The following CYP7B1 variants were observed in gnomAD, a reference collection of about 807,000 sequenced individuals.
The protein encoded by CYP7B1 is cytochrome P450 7B1.
A neutral mutation model predicts 42.7 loss-of-function variants in CYP7B1; 29 were observed. That is an observed-to-expected ratio of 0.68 (90% CI 0.51 to 0.93). The LOEUF is 0.93. Among genes scored for constraint, CYP7B1 ranks in the 40% least tolerant of loss-of-function variants. The probability of loss-of-function intolerance (pLI) is 0.00; values close to 1 mark genes in which losing one functional copy is unlikely to be tolerated. For synonymous variants in CYP7B1, 235 were observed against 218.2 expected (o/e 1.08, Z -0.68); for missense variants, 655 against 600.5 (o/e 1.09, Z -0.95).
rs1379311006 is a variant in CYP7B1, at chr8:64,615,975, A to G, written c.566T>C (p.Phe189Ser). 6.2e-7 allele frequency: 1 copy of G among 1,613,722 alleles called. No homozygotes were observed. Among genetic ancestry groups the G allele is most frequent in the East Asian group, 2.2e-5 (1 of 44,860 alleles). Reference sequence around the variant, plus strand: ...ATATATAGTTGTAAATGTGATCTCAAATATTATTGAGCTGCAGAATGGATA... The same window carrying G: ...ATATATAGTTGTAAATGTGATCTCAGATATTATTGAGCTGCAGAATGGATA... Reference protein sequence around the residue: ...ELYPFCSSIIFEITFTTIYGK... With the variant: ...ELYPFCSSIISEITFTTIYGK... Residue 189 changes from phenylalanine to serine, a missense_variant, in exon 3 of 6, where the codon TTT becomes TCT. Coordinates refer to ENST00000310193, the MANE Select transcript of CYP7B1 (RefSeq NM_004820.5).
intron 1 of CYP7B1, among the ~76,000 whole-genome samples, chr8:64,686,653 C>T (rs1276844249): frequency 1.7e-5 from 1 of 59,602 alleles, no homozygotes; most frequent in Non-Finnish European, 3.5e-5. Flanking sequence ...TGAGAACGGG[C>T]CAGGATGACA....
At chr8:64,760,949 T>C (rs1807880698) in intron 1 of CYP7B1, among the ~76,000 whole-genome samples, 2 of 152,270 alleles carry the variant, frequency 1.3e-5, no homozygotes, top group Admixed American at 6.5e-5. Flanking sequence ...GGAAATAACC[T>C]AAGTGTCTGT....
At chr8:64,700,268 C>T (rs1332778050) in intron 1 of CYP7B1, among the ~76,000 whole-genome samples, 1 of 152,100 alleles carries the variant, frequency 6.6e-6, no homozygotes, top group Non-Finnish European at 1.5e-5. Flanking sequence ...GCAATTTTGA[C>T]ATCAGTCCTT....
chr8:64,798,680 G>A lies in CYP7B1; in HGVS notation c.-93C>T. ...CAGCCTGCGGCGGCTTCTCTCGGCGGCGCCCCCTAGTCCAGGGCCGGAGAG... is the reference window on the plus strand; with the variant it reads ...CAGCCTGCGGCGGCTTCTCTCGGCGACGCCCCCTAGTCCAGGGCCGGAGAG... On this transcript the variant is annotated 5_prime_UTR_variant, in exon 1 of 6. Transcript: ENST00000310193. The A allele has an allele frequency of 7.4e-7, 1 of 1,356,000 alleles. No individual in the cohort carries two copies. Among genetic ancestry groups the A allele is most frequent in the Non-Finnish European group, 9.6e-7 (1 of 1,045,320 alleles). The allele number at this position is 1,356,000 out of a possible 1,614,324, so 84.0% of individuals were successfully genotyped here.
chr8:64,707,672 T>C (rs938416996), intron 1 of CYP7B1, among the ~76,000 whole-genome samples: 15 of 152,034 alleles, frequency 9.9e-5, no homozygotes, highest in Non-Finnish European at 2.1e-4. Flanking sequence ...CATCCAAACA[T>C]TTACATTTTA....
At chr8:64,622,689 A>G (rs1393324010) in intron 2 of CYP7B1, among the ~76,000 whole-genome samples, 1 of 152,222 alleles carries the variant, frequency 6.6e-6, no homozygotes, top group East Asian at 1.9e-4. Flanking sequence ...GTAAGAGCCC[A>G]AGAAAGAAAA....
At chr8:64,628,342 A>G (rs961792395) in intron 1 of CYP7B1, among the ~76,000 whole-genome samples, 3 of 152,132 alleles carry the variant, frequency 2.0e-5, no homozygotes, top group African/African-American at 7.2e-5. Flanking sequence ...CTACAGTCCA[A>G]AGTTATCTGG....
chr8:64,751,969 T>C (rs1807733038), intron 1 of CYP7B1, among the ~76,000 whole-genome samples: 2 of 152,218 alleles, frequency 1.3e-5, no homozygotes, highest in East Asian at 3.8e-4. Context: ...TCTTATGTCA[T>C]ACACCAGCCA....
chr8:64,657,065 A>G (rs952867042), intron 1 of CYP7B1, among the ~76,000 whole-genome samples: 1 of 152,190 alleles, frequency 6.6e-6, no homozygotes, highest in Non-Finnish European at 1.5e-5. Context: ...TATTAAAAAA[A>G]AAAGCAGTGT....
chr8:64,794,836 G>A (rs1327503182), intron 1 of CYP7B1, among the ~76,000 whole-genome samples: 2 of 152,062 alleles, frequency 1.3e-5, no homozygotes, highest in Non-Finnish European at 2.9e-5. Context: ...CATGAGTTCA[G>A]AATAATTAGC....
intron 1 of CYP7B1, among the ~76,000 whole-genome samples, chr8:64,650,631 G>A (rs1176525820): frequency 6.6e-6 from 1 of 152,164 alleles, no homozygotes; most frequent in Non-Finnish European, 1.5e-5. Flanking sequence ...CTGGGTGATA[G>A]AGCAAGACTC....
chr8:64,645,867 A>T (rs1437633163), intron 1 of CYP7B1, among the ~76,000 whole-genome samples: 9 of 152,220 alleles, frequency 5.9e-5, no homozygotes, highest in Non-Finnish European at 1.0e-4. Context: ...TCAATGGAAC[A>T]GAACAGAGCC....
chr8:64,621,746 T>G (rs1326464762), intron 2 of CYP7B1, among the ~76,000 whole-genome samples: 1 of 151,056 alleles, frequency 6.6e-6, no homozygotes, highest in African/African-American at 2.4e-5. Flanking sequence ...TTTTTTTTTT[T>G]TTTTTTTTTA....
At chr8:64,686,502 T>G (rs1585855923) in intron 1 of CYP7B1, among the ~76,000 whole-genome samples, 4 of 33,474 alleles carry the variant, frequency 1.2e-4, no homozygotes, top group Admixed American at 2.6e-4. Context: ...GGGAGGGAGG[T>G]GGGGGGGGTC....
Position 64,685,759 on chromosome 8 carries a change from A to G in CYP7B1, c.123-61220T>C, listed in dbSNP as rs139246563. 5.3e-3 allele frequency among the ~76,000 whole-genome samples: 222 copies of G among 41,812 alleles called. 1 individual carries two copies. The highest frequency in any genetic ancestry group is 8.9e-3 in the African/African-American group (115 of 12,976). The allele number at this position is 41,812 out of a possible 152,430, so 27.4% of individuals were successfully genotyped here. A position where few individuals can be genotyped will look rare whatever the true frequency, so the allele number is the denominator to read the frequency against. ...AGCGTCTCCGCCCGGCAGCCACCCC[A>G]TCCGGGAGGGAGGTGGGGGGGGGTC... On this transcript the variant is annotated intron_variant, in intron 1 of 5. Coordinates refer to ENST00000310193, the MANE Select transcript of CYP7B1 (RefSeq NM_004820.5).
intron 1 of CYP7B1, among the ~76,000 whole-genome samples, chr8:64,702,174 G>A (rs1206628921): frequency 1.3e-5 from 2 of 151,948 alleles, no homozygotes; most frequent in East Asian, 1.9e-4. Flanking sequence ...AATGGACTTA[G>A]CCCATTATAG....
At chr8:64,603,479 T>C (rs1251143690) in intron 5 of CYP7B1, among the ~76,000 whole-genome samples, 2 of 152,226 alleles carry the variant, frequency 1.3e-5, no homozygotes, top group Non-Finnish European at 2.9e-5. Flanking sequence ...AAGTTGAAAT[T>C]AAATAAATGC....
intron 1 of CYP7B1, among the ~76,000 whole-genome samples, chr8:64,784,978 A>C (rs1360366456): frequency 6.6e-6 from 1 of 152,252 alleles, no homozygotes; most frequent in African/African-American, 2.4e-5. Flanking sequence ...TTTTCAAAAT[A>C]TCCAAAATAT....
intron 1 of CYP7B1, among the ~76,000 whole-genome samples, chr8:64,665,280 G>A (rs1192370470): frequency 6.6e-6 from 1 of 152,058 alleles, no homozygotes; most frequent in Non-Finnish European, 1.5e-5. Context: ...GAGACCTAAG[G>A]CTATATGCAG....
Sources: gnomAD v4.1 joint callset for allele counts (sites outside exome capture counted in the v4.1 genomes callset) on GRCh38, gnomAD v4.1.1 for gene constraint, MANE v1.5 for transcripts, NCBI Gene and HGNC (gene_info 2026-07-23, HGNC 2026-07-21) for gene names.